The following DYNC2I1 variants were observed in gnomAD, a reference collection of about 807,000 sequenced individuals.
The protein encoded by DYNC2I1 is cytoplasmic dynein 2 intermediate chain 1.
In DYNC2I1, 89 loss-of-function variants were observed where a neutral mutation model predicts 133.4. The observed-to-expected ratio is 0.67, with a 90% CI of 0.56 to 0.80. The LOEUF is 0.80. DYNC2I1 is among the 30% of genes least tolerant of loss of function. The probability of loss-of-function intolerance (pLI) is 0.00; values close to 1 mark genes in which losing one functional copy is unlikely to be tolerated. For synonymous variants in DYNC2I1, 504 were observed against 484.3 expected, an observed-to-expected ratio of 1.04 and a Z score of -0.54; for missense variants, 1,291 against 1,314.5, an observed-to-expected ratio of 0.98 and a Z score of 0.28.
chr7:158,908,874 C>G (rs937520381), intron 11 of DYNC2I1, among the ~76,000 whole-genome samples: 5 of 152,152 alleles, frequency 3.3e-5, no homozygotes, highest in African/African-American at 1.2e-4. Flanking sequence ...ATTCCCCAGT[C>G]TCTCACCAGA....
chr7:158,924,599 G>C (rs1849428807), intron 17 of DYNC2I1, among the ~76,000 whole-genome samples: 1 of 152,162 alleles, frequency 6.6e-6, no homozygotes, highest in African/African-American at 2.4e-5. Context: ...CAACTTATGG[G>C]TTGCGATGCT....
chr7:158,841,186 T>A, the DYNC2I1 span, among the ~76,000 whole-genome samples: 1 of 56,522 alleles, frequency 1.8e-5, no homozygotes, highest in Non-Finnish European at 3.0e-5. Flanking sequence ...TATATATATA[T>A]ATATATATAT....
chr7:158,932,491 A>T (rs1023760577), intron 21 of DYNC2I1, among the ~76,000 whole-genome samples: 1 of 151,298 alleles, frequency 6.6e-6, no homozygotes, highest in Non-Finnish European at 1.5e-5. Context: ...ATTAGCATAA[A>T]GGTGGTCACG....
At chr7:158,862,049 C>T (rs1432750274) in intron 1 of DYNC2I1, among the ~76,000 whole-genome samples, 2 of 152,160 alleles carry the variant, frequency 1.3e-5, no homozygotes, top group Admixed American at 6.5e-5. Flanking sequence ...GCCAGCCTTG[C>T]CCTCTGGGTC....
intron 11 of DYNC2I1, 27 bp downstream of exon 11, chr7:158,906,118 G>A: frequency 6.3e-7 from 1 of 1,580,538 alleles, no homozygotes; most frequent in South Asian, 1.1e-5. Context: ...AGCAGCCAAA[G>A]GTGTTCAGGG....
intron 8 of DYNC2I1, among the ~76,000 whole-genome samples, chr7:158,891,658 T>C (rs1845231738): frequency 6.6e-6 from 1 of 151,976 alleles, no homozygotes; most frequent in Admixed American, 6.6e-5. Flanking sequence ...AGGTTTAGGG[T>C]GAATGAACAG....
At chr7:158,897,711 T>C (rs923056598) in intron 8 of DYNC2I1, among the ~76,000 whole-genome samples, 20 of 151,880 alleles carry the variant, frequency 1.3e-4, no homozygotes, top group African/African-American at 4.1e-4. Context: ...ATTTCATTGA[T>C]TTTTCTCTGT....
At chr7:158,949,959 T>C (rs974859258), downstream of DYNC2I1, among the ~76,000 whole-genome samples, 28 of 151,978 alleles carry the variant, frequency 1.8e-4, no homozygotes, top group Non-Finnish European at 3.8e-4. Flanking sequence ...TTAGTAGAGA[T>C]GGGGTTTCTC....
downstream of DYNC2I1, among the ~76,000 whole-genome samples, chr7:158,950,400 A>G (rs924446745): frequency 6.6e-6 from 1 of 151,890 alleles, no homozygotes; most frequent in African/African-American, 2.4e-5. Context: ...ACCAGCCTCT[A>G]TATGATTCCA....
chr7:158,943,911 C>T (rs1191240710), intron 24 of DYNC2I1, among the ~76,000 whole-genome samples: 8 of 152,168 alleles, frequency 5.3e-5, no homozygotes, highest in South Asian at 2.1e-4. Context: ...GGCGGCAGCC[C>T]GGCCCACGTT....
intron 5 of DYNC2I1, among the ~76,000 whole-genome samples, chr7:158,884,033 C>A (rs565098890): frequency 6.8e-6 from 1 of 147,818 alleles, no homozygotes; most frequent in Non-Finnish European, 1.5e-5. Flanking sequence ...CACCTTTATC[C>A]TTTTAAAAAA....
intron 1 of DYNC2I1, among the ~76,000 whole-genome samples, chr7:158,858,222 T>G (rs1221805724): frequency 6.6e-6 from 1 of 152,246 alleles, no homozygotes; most frequent in Non-Finnish European, 1.5e-5. Flanking sequence ...TTACATTTCT[T>G]TAAGTTACTC....
In DYNC2I1 at chr7:158,934,468, A is replaced by G. The variant is rs950771510; in HGVS notation, c.2697A>G (p.Leu899=). 4.4e-6 allele frequency: 7 copies of G among 1,592,062 alleles called. No individual in the cohort carries two copies. The highest frequency in any genetic ancestry group is 2.3e-5 in the South Asian group (2 of 87,166). Residue 899 remains leucine, a synonymous_variant, in exon 23 of 25, where the codon CTA becomes CTG. Transcript: ENST00000407559. ...TRQDLRVAPK[L]FKPQQHGIRP... is the part of the protein sequence containing the mutation. The stretch of plus-strand genomic sequence containing the variant: ...AAGATTTGAGAGTGGCTCCCAAACT[A>G]TTCAAACCTCAGCAACATGGTATAA...
intron 5 of DYNC2I1, among the ~76,000 whole-genome samples, chr7:158,880,736 C>T (rs1460761022): frequency 1.3e-5 from 2 of 152,164 alleles, no homozygotes; most frequent in African/African-American, 4.8e-5. Context: ...TCTAATTTCC[C>T]TCCCAGGTCT....
At position 158,858,568 on chromosome 7, in the gene DYNC2I1, C is replaced by G. The variant is rs538493393; in HGVS notation, c.15+1818C>G. On this transcript the variant is annotated intron_variant, in intron 1 of 24. Transcript: ENST00000407559. ...CATAAGCTGTTTTAAATTTTTAAAC[C>G]TTATGATGTCTTCTAGCTTATTAGT... 8.5e-5 allele frequency among the ~76,000 whole-genome samples: 13 copies of G among 152,106 alleles called. No homozygotes were observed. In the South Asian group the frequency reaches 2.7e-3, roughly 32 times the overall value.
At chr7:158,932,408 G>C (rs1218671678) in intron 21 of DYNC2I1, among the ~76,000 whole-genome samples, 1 of 152,170 alleles carries the variant, frequency 6.6e-6, no homozygotes, top group Non-Finnish European at 1.5e-5. Flanking sequence ...GGAGCTGTCA[G>C]TGGGTCCGAT....
At position 158,942,012 on chromosome 7, in the gene DYNC2I1, G is replaced by A; in HGVS notation, c.2866G>A (p.Ala956Thr). The change falls in exon 24 of 25, where the codon GCG becomes ACG. Residue 956 changes from alanine to threonine, a missense_variant. Physicochemically the swap from Ala to Thr is moderately conservative, Grantham distance 58. Transcript: ENST00000407559. ...LQWDSSTDSH[A>T]VTGLQWSPTR... ...GTGGGACAGCAGCACGGACAGCCAT[G>A]CGGTCACCGGCCTGCAGTGGTCCCC... is the stretch of plus-strand genomic sequence containing the variant. The A allele has an allele frequency of 6.2e-7, 1 of 1,613,560 alleles. No individual in the cohort carries two copies. Among genetic ancestry groups the A allele is most frequent in the Non-Finnish European group, 8.5e-7 (1 of 1,179,840 alleles).
At chr7:158,854,349 T>G (rs1286743554), upstream of DYNC2I1, among the ~76,000 whole-genome samples, 1 of 152,146 alleles carries the variant, frequency 6.6e-6, no homozygotes, top group Non-Finnish European at 1.5e-5. Flanking sequence ...AAAGGCCATC[T>G]AGTCCCCAGC....
Position 158,927,014 on chromosome 7 carries a change from C to G in DYNC2I1, c.2456C>G (p.Ala819Gly), listed in dbSNP as rs765693126. 1 of 1,604,126 alleles carries G rather than the reference C, an allele frequency of 6.2e-7. No homozygotes were observed. Residue 819 changes from alanine (A) to glycine (G), a missense_variant, in exon 20 of 25, where the codon GCA becomes GGA. By Grantham distance (60) the Ala-to-Gly change is moderately conservative. Transcript: ENST00000407559. Reference sequence around the variant, plus strand: ...TAGGTGGTTGTTGAATTACCAAAGGCAGACATCGCAGGTTCAATAAGTGAT... The same window carrying G: ...TAGGTGGTTGTTGAATTACCAAAGGGAGACATCGCAGGTTCAATAAGTGAT... ...NVWVVVELPKADIAGSISDLG... is the reference protein window; with the variant it reads ...NVWVVVELPKGDIAGSISDLG...
Sources: allele counts gnomAD v4.1 joint callset (sites outside exome capture counted in the v4.1 genomes callset), GRCh38; gene constraint gnomAD v4.1.1; transcripts MANE v1.5; gene names NCBI Gene and HGNC (gene_info 2026-07-23, HGNC 2026-07-21).